TNFSF8: variants seen among roughly 807,000 people sequenced by gnomAD.
TNFSF8 encodes the protein tumor necrosis factor ligand superfamily member 8.
A neutral mutation model predicts 22.0 loss-of-function variants in TNFSF8; 4 were observed. That is an observed-to-expected ratio of 0.18 (90% CI 0.09 to 0.42). The LOEUF (loss-of-function observed/expected upper bound fraction) is 0.42, where lower values mean the gene tolerates loss of function less well. Ranked by LOEUF, TNFSF8 falls within the 10% of genes least tolerant of loss-of-function variation. The pLI is 1.00. For synonymous variants in TNFSF8, 106 were observed against 112.5 expected (o/e 0.94, Z 0.37); for missense variants, 233 against 281.8 (o/e 0.83, Z 1.24).
At chr9:114,901,119 G>A (rs1827711466), downstream of TNFSF8, 12 of 985,358 alleles carry the variant, frequency 1.2e-5, no homozygotes, top group Non-Finnish European at 1.3e-5. Flanking sequence ...TTTTACCAAA[G>A]AGGCATATGT....
At chr9:114,898,976 C>A (rs997923439), downstream of TNFSF8, among the ~76,000 whole-genome samples, 1 of 152,148 alleles carries the variant, frequency 6.6e-6, no homozygotes, top group Non-Finnish European at 1.5e-5. Context: ...CTACTGCTGC[C>A]GGGCTCCAGA....
At chr9:114,894,141 G>C (rs1408737692) in exon 5 of TNFSF8, 1 of 1,535,154 alleles carries the variant, frequency 6.5e-7, no homozygotes, top group South Asian at 1.2e-5. Context: ...GAGTGTGAAT[G>C]GTGGAGGATC....
chr9:114,910,128 A>G (rs910303598), intron 2 of TNFSF8, among the ~76,000 whole-genome samples: 8 of 152,244 alleles, frequency 5.3e-5, no homozygotes, highest in African/African-American at 1.9e-4. Context: ...TCCAAGCTTT[A>G]GCCTCTTCTA....
chr9:114,899,924 T>C (rs1458572806), downstream of TNFSF8, among the ~76,000 whole-genome samples: 4 of 152,194 alleles, frequency 2.6e-5, no homozygotes, highest in African/African-American at 9.7e-5. Context: ...TTTTGCTGTA[T>C]AGAAAAATGG....
chr9:114,915,990 C>T (rs756818818), intron 2 of TNFSF8, among the ~76,000 whole-genome samples: 8 of 152,162 alleles, frequency 5.3e-5, no homozygotes, highest in South Asian at 2.1e-4. Context: ...TAAGTGATTT[C>T]GTCCATGGTT....
In TNFSF8 at chr9:114,902,450, A is replaced by C; in HGVS notation, c.*1481T>G. On this transcript the variant is annotated 3_prime_UTR_variant, in exon 4 of 4. Coordinates refer to ENST00000223795, the MANE Select transcript of TNFSF8 (RefSeq NM_001244.4). The stretch of plus-strand genomic sequence containing the variant: ...CAGAAATGAAAAATGCCTGCTGCTC[A>C]ATTATTGTCAATCTAACTGGAATAG... 1 of 985,438 alleles carries C rather than the reference A, an allele frequency of 1.0e-6. No homozygotes were observed. Among genetic ancestry groups the C allele is most frequent in the Non-Finnish European group, 1.2e-6 (1 of 829,936 alleles). 61.0% of individuals were successfully genotyped at this position (985,438 alleles called of 1,614,324 possible). A position where few individuals can be genotyped will look rare whatever the true frequency, so the allele number is the denominator to read the frequency against.
At chr9:114,899,041 C>G (rs989052845), downstream of TNFSF8, among the ~76,000 whole-genome samples, 58 of 152,274 alleles carry the variant, frequency 3.8e-4, no homozygotes, top group African/African-American at 1.3e-3. Flanking sequence ...TCTCCCCCAC[C>G]ACCTAGGCTC....
At chr9:114,911,479 G>A (rs373642617) in intron 2 of TNFSF8, among the ~76,000 whole-genome samples, 8 of 152,244 alleles carry the variant, frequency 5.3e-5, no homozygotes, top group African/African-American at 1.4e-4. Flanking sequence ...CAACTATTAG[G>A]TTGGTGCAAA....
At chr9:114,893,950 G>A in exon 5 of TNFSF8, 2 of 724,120 alleles carry the variant, frequency 2.8e-6, no homozygotes, top group Non-Finnish European at 4.7e-6. Context: ...TGTGGGGGGT[G>A]AACCGTTTCC....
At chr9:114,920,107 GATATCACAA>G in intron 1 of TNFSF8, among the ~76,000 whole-genome samples, 1 of 152,188 alleles carries the variant, frequency 6.6e-6, no homozygotes, top group Admixed American at 6.5e-5. Context: ...AGGAAAACTT[GATATCACAA>G]AATTCCCCTT....
chr9:114,894,247 A>G (rs894060947), intron 4 of TNFSF8: 2 of 1,206,522 alleles, frequency 1.7e-6, no homozygotes, highest in Non-Finnish European at 2.4e-6. Flanking sequence ...TCAGAAGCCC[A>G]CAGTTTAGCA....
rs1434990926 is a variant in TNFSF8, at chr9:114,902,842, G to C, written c.*1089C>G. On this transcript the variant is annotated 3_prime_UTR_variant, in exon 4 of 4. Coordinates refer to ENST00000223795, the MANE Select transcript of TNFSF8 (RefSeq NM_001244.4). ...TGAGTTCCAGGGAGGGGAAGGTATA[G>C]TGAATTCTTATAATTTTATGTTGCC... The C allele has an allele frequency of 8.9e-6, 7 of 789,126 alleles. No homozygotes were observed. The highest frequency in any genetic ancestry group is 6.2e-5 in the Admixed American group (1 of 16,022). The allele number at this position is 789,126 out of a possible 1,614,324, so 48.9% of individuals were successfully genotyped here. A position where few individuals can be genotyped will look rare whatever the true frequency, so the allele number is the denominator to read the frequency against.
rs997148991 is a variant in TNFSF8 at position 114,894,108 on chromosome 9, G to T, written c.466C>A (p.His156Asn). 7.2e-6 allele frequency: 11 copies of T among 1,535,180 alleles called. No homozygotes were observed. The Admixed American group carries it at 2.2e-4, about 30-fold the overall frequency. The change falls in exon 5 of 5, where the codon CAC (histidine) becomes AAC (asparagine). Residue 156 changes from histidine to asparagine, a missense_variant. By Grantham distance (68) the His-to-Asn change is moderately conservative. Coordinates refer to the TNFSF8 transcript ENST00000618336. ...GGTTGTAGAGTTTCAAGGCAGCAGTGTCCCTTCCCAGAGTCCAGGGTAGAG... is the reference window on the plus strand; with the variant it reads ...GGTTGTAGAGTTTCAAGGCAGCAGTTTCCCTTCCCAGAGTCCAGGGTAGAG...
chr9:114,923,334 T>G (rs1047191715), intron 1 of TNFSF8, among the ~76,000 whole-genome samples: 1 of 152,036 alleles, frequency 6.6e-6, no homozygotes, highest in Non-Finnish European at 1.5e-5. Flanking sequence ...TTGGAAGGAG[T>G]GACAGACTTA....
At chr9:114,912,621 C>T (rs1467861071) in intron 2 of TNFSF8, among the ~76,000 whole-genome samples, 2 of 152,298 alleles carry the variant, frequency 1.3e-5, no homozygotes, top group East Asian at 1.9e-4. Context: ...GATCTCTTGA[C>T]CTTGTGATCC....
intron 1 of TNFSF8, among the ~76,000 whole-genome samples, chr9:114,918,687 C>T (rs1351367119): frequency 2.6e-5 from 4 of 152,128 alleles, no homozygotes; most frequent in Non-Finnish European, 4.4e-5. Context: ...CTGCAACCTC[C>T]GCCTCCCAGT....
chr9:114,896,729 G>A (rs1239728513), downstream of TNFSF8, among the ~76,000 whole-genome samples: 3 of 152,094 alleles, frequency 2.0e-5, no homozygotes, highest in Non-Finnish European at 2.9e-5. Context: ...AAGGGTGATG[G>A]ATTCTACAGC....
At chr9:114,916,542 G>A (rs1274302274) in intron 2 of TNFSF8, among the ~76,000 whole-genome samples, 1 of 152,162 alleles carries the variant, frequency 6.6e-6, no homozygotes, top group Non-Finnish European at 1.5e-5. Flanking sequence ...TGGAGGTGGT[G>A]GTGGAACAGT....
downstream of TNFSF8, among the ~76,000 whole-genome samples, chr9:114,900,602 G>A (rs924076259): frequency 2.0e-5 from 3 of 152,064 alleles, no homozygotes; most frequent in Admixed American, 6.6e-5. Context: ...CTCTCGCCCC[G>A]GTCACTCTGG....
Sources: gnomAD v4.1 joint callset for allele counts (sites outside exome capture counted in the v4.1 genomes callset) on GRCh38, gnomAD v4.1.1 for gene constraint, MANE v1.5 for transcripts, NCBI Gene and HGNC (gene_info 2026-07-23, HGNC 2026-07-21) for gene names.